Variants in KIAA1328 observed in about 807,000 individuals in gnomAD.
The protein encoded by KIAA1328 is KIAA1328.
Under a neutral mutation model 68.1 loss-of-function variants are expected in KIAA1328, and 52 were observed. That is an observed-to-expected ratio of 0.76 (90% CI 0.61 to 0.96). KIAA1328 has a LOEUF of 0.96. Among genes scored for constraint, KIAA1328 ranks in the 40% least tolerant of loss-of-function variants. The pLI, the probability that KIAA1328 is intolerant of heterozygous loss-of-function variation, is 0.00. For synonymous variants in KIAA1328, 232 were observed against 239.4 expected (o/e 0.97, Z 0.28); for missense variants, 641 against 677.6 (o/e 0.95, Z 0.60).
intron 1 of KIAA1328, among the ~76,000 whole-genome samples, chr18:36,831,744 T>G (rs534278366): frequency 6.6e-6 from 1 of 152,204 alleles, no homozygotes; most frequent in Non-Finnish European, 1.5e-5. Flanking sequence ...TAATTACATA[T>G]ACATGTATTG....
chr18:37,121,132 TAGTCCA>T (rs2058257802), intron 7 of KIAA1328, among the ~76,000 whole-genome samples: 1 of 152,158 alleles, frequency 6.6e-6, no homozygotes, highest in Non-Finnish European at 1.5e-5. Context: ...TATAAAGGTA[TAGTCCA>T]ACTGTCTCAT....
chr18:36,899,683 C>G (rs2048974393), intron 5 of KIAA1328, among the ~76,000 whole-genome samples: 1 of 151,806 alleles, frequency 6.6e-6, no homozygotes, highest in Admixed American at 6.6e-5. Context: ...TTCTGTTTTC[C>G]TGACTGCTAG....
At chr18:37,185,749 A>G (rs923884146) in intron 9 of KIAA1328, among the ~76,000 whole-genome samples, 1 of 151,992 alleles carries the variant, frequency 6.6e-6, no homozygotes, top group African/African-American at 2.4e-5. Context: ...ACGTACACAC[A>G]CACACATACC....
intron 6 of KIAA1328, among the ~76,000 whole-genome samples, chr18:37,046,607 T>C (rs999969170): frequency 6.6e-6 from 1 of 152,242 alleles, no homozygotes; most frequent in Non-Finnish European, 1.5e-5. Context: ...ATCTTGGCTC[T>C]TTCATGTTCT....
At chr18:37,093,635 A>G (rs188787857) in intron 7 of KIAA1328, among the ~76,000 whole-genome samples, 3 of 152,334 alleles carry the variant, frequency 2.0e-5, no homozygotes, top group Admixed American at 1.3e-4. Context: ...AAGAAAGCCT[A>G]TGTGATGTAT....
At chr18:37,024,737 A>G (rs905420566) in intron 6 of KIAA1328, among the ~76,000 whole-genome samples, 5 of 152,092 alleles carry the variant, frequency 3.3e-5, no homozygotes, top group African/African-American at 1.2e-4. Flanking sequence ...ATAGTATTCC[A>G]TGGTGTATAT....
rs565608832 is a variant in KIAA1328, at chr18:36,937,750, T to C, written c.449-21558T>C. The stretch of plus-strand genomic sequence containing the variant: ...AATACTTACATTTATATCCTTTTTT[T>C]CCCTTCATTCCCACCTCCCCACTAC... On this transcript the variant is annotated intron_variant, in intron 5 of 9. Transcript: ENST00000280020. Among the ~76,000 whole-genome samples, 61 of 152,230 alleles carry C rather than the reference T, an allele frequency of 4.0e-4. No homozygotes were observed. The South Asian group carries it at 0.012, about 31-fold the overall frequency.
chr18:36,927,363 A>G (rs1443344754), intron 5 of KIAA1328, among the ~76,000 whole-genome samples: 2 of 152,224 alleles, frequency 1.3e-5, no homozygotes, highest in East Asian at 1.9e-4. Context: ...TCATAGCACT[A>G]TGGCATAATT....
At chr18:36,917,435 C>G (rs959397951) in intron 5 of KIAA1328, among the ~76,000 whole-genome samples, 1 of 152,010 alleles carries the variant, frequency 6.6e-6, no homozygotes, top group Non-Finnish European at 1.5e-5. Flanking sequence ...TTGCTCAGGT[C>G]GGTCTTGAAC....
At chr18:37,029,970 A>C (rs2054756009) in intron 6 of KIAA1328, among the ~76,000 whole-genome samples, 1 of 152,114 alleles carries the variant, frequency 6.6e-6, no homozygotes, top group Non-Finnish European at 1.5e-5. Flanking sequence ...TGTCCATTTC[A>C]TTTTGGATGT....
chr18:36,949,595 G>GCCCCCCCC (rs1241515530), intron 5 of KIAA1328, among the ~76,000 whole-genome samples: 2 of 38,974 alleles, frequency 5.1e-5, no homozygotes, highest in Non-Finnish European at 4.9e-5. Flanking sequence ...TTTCTACCCA[G>GCCCCCCCC]CTCCCCCCCC....
Position 36,999,381 on chromosome 18 carries a change from C to G in KIAA1328, c.576+39946C>G, listed in dbSNP as rs533260895. On this transcript the variant is annotated intron_variant, in intron 6 of 9. Coordinates refer to ENST00000280020, the MANE Select transcript of KIAA1328 (RefSeq NM_020776.3). Reference sequence around the variant, plus strand: ...GACAATAGGTGACAACTTCCCAAGTCTAGCAAGAGATTTAGACATTCAGAT... The same window carrying G: ...GACAATAGGTGACAACTTCCCAAGTGTAGCAAGAGATTTAGACATTCAGAT... 7.2e-5 allele frequency among the ~76,000 whole-genome samples: 11 copies of G among 152,288 alleles called. No homozygotes were observed. The East Asian group carries it at 1.9e-3, about 27-fold the overall frequency.
rs550724186 is a variant in KIAA1328, at chr18:37,105,402, G to A, written c.1232+37857G>A. ...GCTAATAAGGAGGCTGAGATGGGAG[G>A]TTTGCTTGAGCCCAGGACTTCGAAG... On this transcript the variant is annotated intron_variant, in intron 7 of 9. Coordinates refer to ENST00000280020, the MANE Select transcript of KIAA1328 (RefSeq NM_020776.3). Among the ~76,000 whole-genome samples the A allele has an allele frequency of 1.0e-4, 15 of 150,116 alleles. 1 individual carries two copies. In the East Asian group the frequency reaches 1.2e-3, roughly 12 times the overall value.
intron 5 of KIAA1328, among the ~76,000 whole-genome samples, chr18:36,908,775 C>T (rs1315520948): frequency 1.3e-5 from 2 of 151,954 alleles, no homozygotes; most frequent in African/African-American, 4.8e-5. Flanking sequence ...TATATATTAC[C>T]TATTATTTGT....
intron 6 of KIAA1328, among the ~76,000 whole-genome samples, chr18:36,982,848 T>C (rs1186627014): frequency 6.6e-6 from 1 of 151,936 alleles, no homozygotes; most frequent in African/African-American, 2.4e-5. Flanking sequence ...AAATATTGCA[T>C]TAAGGGAAAA....
chr18:36,891,326 T>A (rs1165082168), intron 5 of KIAA1328, among the ~76,000 whole-genome samples: 1 of 152,224 alleles, frequency 6.6e-6, no homozygotes, highest in African/African-American at 2.4e-5. Flanking sequence ...TTCACTAGTT[T>A]TTGAGGTACA....
At chr18:36,963,973 C>G (rs2051808129) in intron 6 of KIAA1328, among the ~76,000 whole-genome samples, 1 of 152,070 alleles carries the variant, frequency 6.6e-6, no homozygotes, top group African/African-American at 2.4e-5. Flanking sequence ...ATCATTTAAT[C>G]CTAACTCAAT....
At chr18:37,028,291 A>T (rs994881668) in intron 6 of KIAA1328, among the ~76,000 whole-genome samples, 2 of 152,028 alleles carry the variant, frequency 1.3e-5, no homozygotes, top group Middle Eastern at 3.4e-3. Context: ...TTTTTTGTGT[A>T]TGGTTTTTGT....
intron 4 of KIAA1328, among the ~76,000 whole-genome samples, chr18:36,875,594 G>T (rs749870574): frequency 8.5e-5 from 13 of 152,070 alleles, no homozygotes; most frequent in Non-Finnish European, 1.6e-4. Context: ...TAATAAATAT[G>T]CAATCCTGTC....
Sources: gnomAD v4.1 joint callset for allele counts (sites outside exome capture counted in the v4.1 genomes callset) on GRCh38, gnomAD v4.1.1 for gene constraint, MANE v1.5 for transcripts, NCBI Gene and HGNC (gene_info 2026-07-23, HGNC 2026-07-21) for gene names.